The following FAP variants were observed in gnomAD, a reference collection of about 807,000 sequenced individuals.
FAP encodes the protein prolyl endopeptidase FAP.
In FAP, 110 loss-of-function variants were observed where a neutral mutation model predicts 126.5. That is an observed-to-expected ratio of 0.87 (90% confidence interval 0.74 to 1.02). FAP has a LOEUF of 1.02. Among genes scored for constraint, FAP ranks in the 50% least tolerant of loss-of-function variants. The pLI is 0.00. For missense variants in FAP, 919 were observed against 909.2 expected (o/e 1.01, Z -0.14); for synonymous variants, 334 against 297.3 (o/e 1.12, Z -1.27).
chr2:162,189,985 C>T (rs1293554719), intron 17 of FAP, among the ~76,000 whole-genome samples: 3 of 151,866 alleles, frequency 2.0e-5, no homozygotes, highest in Non-Finnish European at 4.4e-5. Flanking sequence ...CTAATAGCAT[C>T]AGAACACATT....
chr2:162,179,845 G>A (rs189310562), intron 21 of FAP, among the ~76,000 whole-genome samples: 198 of 136,708 alleles, frequency 1.4e-3, no homozygotes, highest in Middle Eastern at 4.6e-3. Flanking sequence ...GTCTCGCTCT[G>A]TTGCCCAGGC....
chr2:162,200,738 G>A (rs982876656), intron 14 of FAP, 119 bp from the exon 15 acceptor site: 14 of 522,568 alleles, frequency 2.7e-5, no homozygotes, highest in Non-Finnish European at 4.1e-5. Context: ...CAATTAATTG[G>A]TGCTTAAGTA....
chr2:162,210,294 T>G (rs547989956), intron 11 of FAP, among the ~76,000 whole-genome samples: 1 of 152,300 alleles, frequency 6.6e-6, no homozygotes, highest in Admixed American at 6.5e-5. Context: ...TGATGTGGTG[T>G]AGGTAAAACA....
chr2:162,217,925 T>A (rs1689216450), intron 9 of FAP, 61 bp downstream of exon 9: 1 of 1,363,596 alleles, frequency 7.3e-7, no homozygotes, highest in South Asian at 1.5e-5. Flanking sequence ...TTACTCATGG[T>A]AAATCATTGC....
rs1209061800 is a variant in FAP, at chr2:162,203,093, A to G, written c.1100T>C (p.Ile367Thr). Residue 367 changes from isoleucine to threonine, a missense_variant, in exon 13 of 26, where the codon ATA becomes ACA. Coordinates refer to ENST00000188790, the MANE Select transcript of FAP (RefSeq NM_004460.5). ...FSYDAISYYKIFSDKDGYKHI... is the reference protein window; with the variant it reads ...FSYDAISYYKTFSDKDGYKHI... The stretch of plus-strand genomic sequence containing the variant: ...TTTGTAGCCATCCTTGTCACTAAAT[A>G]TTTTGTAGTACGAAATGGCATCATA... 2.5e-6 allele frequency: 4 copies of G among 1,613,686 alleles called. No individual in the cohort carries two copies. The highest frequency in any genetic ancestry group is 3.4e-6 in the Non-Finnish European group (4 of 1,179,836).
Position 162,235,265 on chromosome 2 carries a change from G to A in FAP, c.91+7643C>T, listed in dbSNP as rs184318962. Among the ~76,000 whole-genome samples, 11 of 150,352 alleles carry A rather than the reference G, an allele frequency of 7.3e-5. No homozygotes were observed. In the South Asian group the frequency reaches 1.7e-3, roughly 24 times the overall value. Reference sequence around the variant, plus strand: ...CACTTCCCCCTGCTCCACAGTGCCCGGTCCCATGGATGGCCCAAGGGCTGA... The same window carrying A: ...CACTTCCCCCTGCTCCACAGTGCCCAGTCCCATGGATGGCCCAAGGGCTGA... On this transcript the variant is annotated intron_variant, in intron 2 of 25. Transcript: ENST00000188790.
intron 21 of FAP, among the ~76,000 whole-genome samples, chr2:162,178,207 G>A (rs1435514211): frequency 6.6e-6 from 1 of 152,168 alleles, no homozygotes; most frequent in Non-Finnish European, 1.5e-5. Flanking sequence ...ATGAACTAAT[G>A]CTTATTCAAC....
chr2:162,234,578 T>G (rs1224179688), intron 2 of FAP, among the ~76,000 whole-genome samples: 1 of 152,228 alleles, frequency 6.6e-6, no homozygotes, highest in East Asian at 1.9e-4. Flanking sequence ...ATTTTTTTCT[T>G]GCCTAATTGC....
chr2:162,189,556 T>C, intron 18 of FAP, 100 bp downstream of exon 18: 3 of 654,536 alleles, frequency 4.6e-6, no homozygotes, highest in East Asian at 2.8e-5. Context: ...TATTAATAGA[T>C]CGCAGAATTT....
At chr2:162,196,305 G>A (rs1559770715) in intron 16 of FAP, among the ~76,000 whole-genome samples, 1 of 152,098 alleles carries the variant, frequency 6.6e-6, no homozygotes, top group Non-Finnish European at 1.5e-5. Context: ...TTCCTGTGTG[G>A]AATCTCAGAA....
intron 17 of FAP, among the ~76,000 whole-genome samples, chr2:162,190,300 G>A (rs950634805): frequency 2.0e-5 from 3 of 151,878 alleles, no homozygotes; most frequent in Non-Finnish European, 2.9e-5. Context: ...ATATTCTCCT[G>A]TTTTTGGTAA....
At position 162,200,594 on chromosome 2, in the gene FAP, C is replaced by A; in HGVS notation, c.1249G>T (p.Glu417Ter). The A allele has an allele frequency of 6.8e-7, 1 of 1,473,142 alleles. No homozygotes were observed. Among genetic ancestry groups the A allele is most frequent in the South Asian group, 1.2e-5 (1 of 81,178 alleles). The allele number at this position is 1,473,142 out of a possible 1,614,324, so 91.3% of individuals were successfully genotyped here. ...SLFYSSNEFE[E>*]YPGRRNIYRI... ...TAGATGTTTCTTCTTCCAGGGTATT[C>A]TTCAAATTCATTGCTAGAATAAAAC... Residue 417 changes from glutamate to a stop codon, truncating the protein, a stop_gained, in exon 15 of 26, where the codon GAA (glutamate) becomes TAA (stop). Transcript: ENST00000188790. LOFTEE classifies it high-confidence loss of function.
intron 21 of FAP, 30 bp from the exon 22 acceptor site, chr2:162,174,996 A>G: frequency 6.7e-7 from 1 of 1,489,914 alleles, no homozygotes; most frequent in Non-Finnish European, 9.4e-7. Context: ...AGTCAGACTC[A>G]GATTTACTTT....
intron 2 of FAP, among the ~76,000 whole-genome samples, chr2:162,236,617 T>TG (rs567805407): frequency 0.15 from 22,388 of 151,966 alleles, 3,928 homozygotes; most frequent in African/African-American, 0.4. Context: ...TTGTTTTTGG[T>TG]GGGGGGGCAG....
At chr2:162,182,146 G>A (rs565310727) in intron 21 of FAP, among the ~76,000 whole-genome samples, 4 of 152,078 alleles carry the variant, frequency 2.6e-5, no homozygotes, top group Non-Finnish European at 4.4e-5. Context: ...TGATGAGTGG[G>A]TTTTTAGAAA....
chr2:162,194,740 T>C lies in FAP; in HGVS notation c.1411A>G (p.Ile471Val). 6.2e-7 allele frequency: 1 copy of C among 1,613,644 alleles called. No homozygotes were observed. The highest frequency in any genetic ancestry group is 8.5e-7 in the Non-Finnish European group (1 of 1,179,670). ...YYALVCYGPG[I>V]PISTLHDGRT... ...CCATCATGAAGGGTGGAAATGGGGA[T>C]GCCTGGGCCTGTGGGCAGGATGAAA... is the stretch of plus-strand genomic sequence containing the variant. The change falls in exon 17 of 26, where the codon ATC (isoleucine) becomes GTC (valine). Residue 471 changes from isoleucine (I) to valine (V), a missense_variant. Physicochemically the swap from Ile to Val is conservative, Grantham distance 29. Transcript: ENST00000188790.
intron 12 of FAP, among the ~76,000 whole-genome samples, chr2:162,208,184 A>G (rs1688785581): frequency 1.3e-5 from 2 of 150,664 alleles, no homozygotes; most frequent in South Asian, 4.3e-4. Flanking sequence ...TGAACCCGGG[A>G]GGCGGAGCTT....
chr2:162,236,448 GT>G (rs201709257), intron 2 of FAP, among the ~76,000 whole-genome samples: 6,880 of 132,958 alleles, frequency 0.052, 477 homozygotes, highest in Admixed American at 0.23. Context: ...TTATGTTTTT[GT>G]TTTTTTTTTT....
At chr2:162,179,813 T>TATA (rs1491511294) in intron 21 of FAP, among the ~76,000 whole-genome samples, 195 of 99,940 alleles carry the variant, frequency 2.0e-3, no homozygotes, top group Non-Finnish European at 3.3e-3. Flanking sequence ...TATATATATA[T>TATA]TTTTTTTTTT....
Sources: allele counts gnomAD v4.1 joint callset (sites outside exome capture counted in the v4.1 genomes callset), GRCh38; gene constraint gnomAD v4.1.1; transcripts MANE v1.5; gene names NCBI Gene and HGNC (gene_info 2026-07-23, HGNC 2026-07-21).